Variants in ZNF207 observed in about 807,000 individuals in gnomAD.
The protein encoded by ZNF207 is BUB3-interacting and GLEBS motif-containing protein ZNF207.
A neutral mutation model predicts 60.2 loss-of-function variants in ZNF207; 24 were observed. That is an observed-to-expected ratio of 0.40 (90% CI 0.29 to 0.56). The LOEUF is 0.56. Among genes scored for constraint, ZNF207 ranks in the 20% least tolerant of loss-of-function variants. The probability of loss-of-function intolerance (pLI) is 0.49; values close to 1 mark genes in which losing one functional copy is unlikely to be tolerated. For missense variants in ZNF207, 452 were observed against 636.6 expected (o/e 0.71, Z 3.12); for synonymous variants, 236 against 194.7 (o/e 1.21, Z -1.77).
In ZNF207 at chr17:32,365,303, A is replaced by G. The variant is rs746618724; in HGVS notation, c.671-27A>G. ...CCACACTAAATTTTTCAGTGACTCA[A>G]TTTCCCCAAACATTTCTTCTCTGCA... On this transcript the variant is annotated intron_variant, in intron 7 of 11. Coordinates refer to ENST00000394670, the MANE Select transcript of ZNF207 (RefSeq NM_001098507.2). 8 of 1,589,188 alleles carry G rather than the reference A, an allele frequency of 5.0e-6. No homozygotes were observed. The South Asian group carries it at 6.8e-5, about 13-fold the overall frequency.
chr17:32,353,811 CAAAAAAAAA>C (rs536502166), intron 2 of ZNF207, among the ~76,000 whole-genome samples: 14 of 110,528 alleles, frequency 1.3e-4, no homozygotes, highest in African/African-American at 4.7e-4. Context: ...ACTCTGTCTC[CAAAAAAAAA>C]AAAAAAAAAA....
At chr17:32,358,403 C>A in intron 2 of ZNF207, 100 bp from the exon 3 acceptor site, 2 of 1,181,066 alleles carry the variant, frequency 1.7e-6, no homozygotes, top group Non-Finnish European at 2.3e-6. Context: ...CTCTACATGG[C>A]CTCACTATAG....
In ZNF207 at chr17:32,374,281, G is replaced by C. The variant is rs1418165659; in HGVS notation, c.*4522G>C. 1 of 125,702 alleles carries C rather than the reference G, an allele frequency of 8.0e-6. No homozygotes were observed. Among genetic ancestry groups the C allele is most frequent in the Non-Finnish European group, 1.6e-5 (1 of 63,378 alleles). The allele number at this position is 125,702 out of a possible 1,614,324, so 7.8% of individuals were successfully genotyped here. On this transcript the variant is annotated 3_prime_UTR_variant, in exon 12 of 12. Transcript: ENST00000394670. ...CACCCAGGCCAGAGTGCAGTAGCAC[G>C]ATCTCAGCTCACTACAACCTCCACC...
At position 32,365,407 on chromosome 17, in the gene ZNF207, A is replaced by C; in HGVS notation, c.748A>C (p.Asn250His). The C allele has an allele frequency of 6.2e-7, 1 of 1,614,076 alleles. No homozygotes were observed. The highest frequency in any genetic ancestry group is 8.5e-7 in the Non-Finnish European group (1 of 1,179,988). ...AQAVSAPGIL[N>H]RPPAPTATVP... ...GGCTGTTTCAGCGCCAGGTATTCTT[A>C]ATAGACCACCTGCACCAACAGCAAC... Residue 250 changes from asparagine (N) to histidine (H), a missense_variant, in exon 8 of 12, where the codon AAT becomes CAT. Asn to His is a moderately conservative substitution (Grantham distance 68, BLOSUM62 1). Transcript: ENST00000394670.
In ZNF207 at chr17:32,353,987, TTTG is replaced by T. The variant is rs369551271; in HGVS notation, c.168+2078_168+2080del. 1.8e-3 allele frequency among the ~76,000 whole-genome samples: 272 copies of T among 152,158 alleles called. 1 individual carries two copies. The highest frequency in any genetic ancestry group is 6.4e-3 in the African/African-American group (264 of 41,480). ...TATTGGGTAGTGTGGATAAGAACAT[TTTG>T]TTTTGATTGATTGACAGGGTCTCAT... On this transcript the variant is annotated intron_variant, in intron 2 of 11. Transcript: ENST00000394670.
At chr17:32,353,345 T>C (rs983182493) in intron 2 of ZNF207, among the ~76,000 whole-genome samples, 1 of 152,178 alleles carries the variant, frequency 6.6e-6, no homozygotes, top group African/African-American at 2.4e-5. Flanking sequence ...AATTAGACCT[T>C]ACAGAAATAT....
intron 2 of ZNF207, among the ~76,000 whole-genome samples, chr17:32,354,464 C>T (rs1423146774): frequency 1.3e-5 from 2 of 152,124 alleles, no homozygotes; most frequent in African/African-American, 4.8e-5. Context: ...GCATGCACCA[C>T]CGTGCCTGCC....
At chr17:32,352,707 T>C (rs186657998) in intron 2 of ZNF207, among the ~76,000 whole-genome samples, 22 of 152,338 alleles carry the variant, frequency 1.4e-4, no homozygotes, top group African/African-American at 4.3e-4. Flanking sequence ...TTTTTGCTTT[T>C]GTTTTTAAGA....
chr17:32,362,212 G>C (rs1190686612), intron 6 of ZNF207, among the ~76,000 whole-genome samples: 1 of 152,028 alleles, frequency 6.6e-6, no homozygotes, highest in Non-Finnish European at 1.5e-5. Flanking sequence ...CTACAGTGCA[G>C]TGGCGCAGTC....
intron 2 of ZNF207, among the ~76,000 whole-genome samples, chr17:32,355,573 A>C (rs1326388963): frequency 6.6e-6 from 1 of 152,174 alleles, no homozygotes; most frequent in Non-Finnish European, 1.5e-5. Flanking sequence ...TAGAAATTAA[A>C]ACAGGAGATA....
At chr17:32,361,600 T>C in intron 6 of ZNF207, 85 bp downstream of exon 6, 2 of 1,281,928 alleles carry the variant, frequency 1.6e-6, no homozygotes, top group Non-Finnish European at 2.1e-6. Flanking sequence ...ATCTATTCAG[T>C]TGACTTCAGA....
At chr17:32,360,186 CA>C (rs1555606146) in intron 3 of ZNF207, among the ~76,000 whole-genome samples, 1,369 of 52,170 alleles carry the variant, frequency 0.026, 26 homozygotes, top group African/African-American at 0.091. Context: ...ACCCCCCCCC[CA>C]AAAAAAAAAA....
chr17:32,368,096 T>G, intron 10 of ZNF207, 82 bp downstream of exon 10: 1 of 1,562,468 alleles, frequency 6.4e-7, no homozygotes, highest in Admixed American at 1.8e-5. Flanking sequence ...AAGTGTTCAT[T>G]TGTACTCAGA....
At chr17:32,359,732 CCT>C (rs753171445) in intron 3 of ZNF207, among the ~76,000 whole-genome samples, 3 of 151,918 alleles carry the variant, frequency 2.0e-5, no homozygotes, top group Admixed American at 6.6e-5. Context: ...AGAATGACAC[CCT>C]GTCTTTACAA....
rs1905463423 is a variant in ZNF207, at chr17:32,371,599, A to G, written c.*1840A>G. The G allele has an allele frequency of 6.6e-6, 1 of 152,228 alleles. No individual in the cohort carries two copies. The highest frequency in any genetic ancestry group is 1.5e-5 in the Non-Finnish European group (1 of 68,070). The allele number at this position is 152,228 out of a possible 1,614,324, so 9.4% of individuals were successfully genotyped here. On this transcript the variant is annotated 3_prime_UTR_variant, in exon 12 of 12. Coordinates refer to ENST00000394670, the MANE Select transcript of ZNF207 (RefSeq NM_001098507.2). Reference sequence around the variant, plus strand: ...CCCCATCTGTACAAAACATTTAAAAATTAGCCAGGCGCGTTAGTGTGTGTC... The same window carrying G: ...CCCCATCTGTACAAAACATTTAAAAGTTAGCCAGGCGCGTTAGTGTGTGTC...
At position 32,377,782 on chromosome 17, in the gene ZNF207, TA is replaced by T. The variant is rs796485925; in HGVS notation, c.*8037del. The T allele has an allele frequency of 6.0e-3, 847 of 142,258 alleles. 4 individuals carry two copies. Among genetic ancestry groups the T allele is most frequent in the Non-Finnish European group, 8.0e-3 (516 of 64,390 alleles). 8.8% of individuals were successfully genotyped at this position (142,258 alleles called of 1,614,324 possible). ...TAGCCAATATAAGGTAACTTCTGTT[TA>T]AAAAAAAAAAAAACTAGGGAAAAGT... On this transcript the variant is annotated 3_prime_UTR_variant, in exon 12 of 12. Transcript: ENST00000394670.
rs539070835 is a variant in ZNF207, at chr17:32,380,230, AGAGT to A, written c.*10472_*10475del. ...ACTTGAAGTGCATGTAATAGTGATG[AGAGT>A]AAGTAGCCAAATTTCCGTAATATAA... is the stretch of plus-strand genomic sequence containing the variant. On this transcript the variant is annotated 3_prime_UTR_variant, in exon 12 of 12. Transcript: ENST00000394670. 4.6e-4 allele frequency: 70 copies of A among 152,788 alleles called. No homozygotes were observed. The highest frequency in any genetic ancestry group is 1.6e-3 in the African/African-American group (68 of 41,580). The allele number at this position is 152,788 out of a possible 1,614,324, so 9.5% of individuals were successfully genotyped here. A position where few individuals can be genotyped will look rare whatever the true frequency, so the allele number is the denominator to read the frequency against.
intron 7 of ZNF207, among the ~76,000 whole-genome samples, chr17:32,364,020 T>A (rs527302946): frequency 3.1e-5 from 4 of 127,200 alleles, no homozygotes; most frequent in African/African-American, 1.3e-4. Flanking sequence ...TGTAGTGCAC[T>A]CTCCATTTTC....
rs143525339 is a variant in ZNF207, at chr17:32,351,891, C to T, written c.147C>T (p.Gly49=). 1.6e-4 allele frequency: 251 copies of T among 1,570,458 alleles called. 1 individual carries two copies. The African/African-American group carries it at 3.2e-3, about 20-fold the overall frequency. Residue 49 remains glycine (G), a synonymous_variant, in exon 2 of 12, where the codon GGC becomes GGT. Coordinates refer to ENST00000394670, the MANE Select transcript of ZNF207 (RefSeq NM_001098507.2). ...ACAAGAAATTGTATACAGGACCTGG[C>T]TTAGCTATTCATTGCATGCAGGTAA... ...ICHKKLYTGP[G]LAIHCMQVHK...
Sources: gnomAD v4.1 joint callset for allele counts (sites outside exome capture counted in the v4.1 genomes callset) on GRCh38, gnomAD v4.1.1 for gene constraint, MANE v1.5 for transcripts, NCBI Gene and HGNC (gene_info 2026-07-23, HGNC 2026-07-21) for gene names.